ANO10: variants seen among roughly 807,000 people sequenced by gnomAD.
The protein encoded by ANO10 is anoctamin-10.
In ANO10, 77 loss-of-function variants were observed where a neutral mutation model predicts 74.7. That is an observed-to-expected ratio of 1.03 (90% confidence interval 0.86 to 1.25). ANO10 has a LOEUF of 1.25. ANO10 is among the 50% of genes most tolerant of loss of function. The pLI is 0.00. For missense variants in ANO10, 721 were observed against 778.1 expected (o/e 0.93, Z 0.87); for synonymous variants, 279 against 284.9 (o/e 0.98, Z 0.21).
At chr3:43,639,332 T>C (rs975994438) in intron 1 of ANO10, among the ~76,000 whole-genome samples, 1 of 152,230 alleles carries the variant, frequency 6.6e-6, no homozygotes, top group Admixed American at 6.5e-5. Context: ...CTCAGCCAGT[T>C]TGCCCTCACT....
At chr3:43,376,664 A>C (rs2091817650) in intron 12 of ANO10, among the ~76,000 whole-genome samples, 2 of 152,214 alleles carry the variant, frequency 1.3e-5, no homozygotes, top group South Asian at 4.1e-4. Flanking sequence ...AATTCTGAGA[A>C]AGGGGGAAAT....
chr3:43,595,485 G>A (rs1430953033), intron 4 of ANO10, among the ~76,000 whole-genome samples: 17 of 151,962 alleles, frequency 1.1e-4, no homozygotes, highest in African/African-American at 2.4e-4. Context: ...ATAATCCATC[G>A]TATAAACAGA....
intron 11 of ANO10, among the ~76,000 whole-genome samples, chr3:43,477,497 G>T (rs911386985): frequency 6.6e-6 from 1 of 152,128 alleles, no homozygotes; most frequent in Non-Finnish European, 1.5e-5. Context: ...AACAGCTGAC[G>T]TGTTATATTT....
chr3:43,447,157 G>A (rs1172381905), intron 11 of ANO10, among the ~76,000 whole-genome samples: 1 of 152,104 alleles, frequency 6.6e-6, no homozygotes, highest in East Asian at 1.9e-4. Flanking sequence ...TAAGGGTGCT[G>A]CAATAAATTT....
intron 11 of ANO10, among the ~76,000 whole-genome samples, chr3:43,452,036 A>G (rs2074901303): frequency 6.6e-6 from 1 of 152,226 alleles, no homozygotes; most frequent in South Asian, 2.1e-4. Context: ...AAGGCTAAAG[A>G]TTAGTTACTA....
Position 43,475,336 on chromosome 3 carries a change from C to T in ANO10, c.1798-42609G>A, listed in dbSNP as rs1175452849. Among the ~76,000 whole-genome samples, 2 of 152,088 alleles carry T rather than the reference C, an allele frequency of 1.3e-5. 1 individual carries two copies. The highest frequency in any genetic ancestry group is 4.8e-5 in the African/African-American group (2 of 41,414). ...TACAGTTTCTCTCTTTGGTGTCATT[C>T]TTATAGTCAAGGTCTCCCCACCCAA... On this transcript the variant is annotated intron_variant, in intron 11 of 12. Transcript: ENST00000292246.
At chr3:43,532,322 G>A (rs1044249674) in intron 11 of ANO10, among the ~76,000 whole-genome samples, 4 of 152,090 alleles carry the variant, frequency 2.6e-5, no homozygotes, top group South Asian at 2.1e-4. Context: ...AGCCATCATC[G>A]CTGCCTTGCC....
intron 9 of ANO10, among the ~76,000 whole-genome samples, chr3:43,558,893 C>T (rs1277040516): frequency 6.6e-6 from 1 of 152,184 alleles, no homozygotes; most frequent in Non-Finnish European, 1.5e-5. Context: ...GGCCAGATCA[C>T]GCAGAACCCT....
At chr3:43,505,139 T>C (rs931939877) in intron 11 of ANO10, among the ~76,000 whole-genome samples, 6 of 152,210 alleles carry the variant, frequency 3.9e-5, no homozygotes, top group African/African-American at 1.2e-4. Flanking sequence ...TGAGATAGTG[T>C]TAGCATAAAT....
chr3:43,625,919 A>G (rs957434142), upstream of ANO10, among the ~76,000 whole-genome samples: 3 of 146,618 alleles, frequency 2.0e-5, no homozygotes, highest in Non-Finnish European at 4.5e-5. Flanking sequence ...AAAGACCTCC[A>G]CCTCTCTCTC....
chr3:43,554,906 A>C (rs1377849533), intron 10 of ANO10, among the ~76,000 whole-genome samples: 2 of 152,162 alleles, frequency 1.3e-5, no homozygotes, highest in Non-Finnish European at 2.9e-5. Context: ...GAGTCTCATT[A>C]CTGCCAGATA....
chr3:43,560,732 A>C (rs188246888), intron 9 of ANO10, among the ~76,000 whole-genome samples: 2 of 152,222 alleles, frequency 1.3e-5, no homozygotes, highest in African/African-American at 4.8e-5. Flanking sequence ...TAATTCAGAA[A>C]GTCTCTGTCT....
intron 12 of ANO10, among the ~76,000 whole-genome samples, chr3:43,421,160 T>C (rs1052301645): frequency 2.0e-5 from 3 of 151,848 alleles, no homozygotes; most frequent in Non-Finnish European, 4.4e-5. Flanking sequence ...GAGGTGGAAG[T>C]TGCAGGGAAC....
At chr3:43,620,331 A>G (rs953535917) in intron 1 of ANO10, among the ~76,000 whole-genome samples, 1 of 152,248 alleles carries the variant, frequency 6.6e-6, no homozygotes, top group African/African-American at 2.4e-5. Flanking sequence ...TATTACCCCA[A>G]TTAGGTAACA....
At chr3:43,649,963 TGTGTGCTAC>T (rs2083769907) in intron 1 of ANO10, among the ~76,000 whole-genome samples, 1 of 152,114 alleles carries the variant, frequency 6.6e-6, no homozygotes, top group Non-Finnish European at 1.5e-5. Flanking sequence ...CCCAAGAGGG[TGTGTGCTAC>T]AGTGCACTCT....
chr3:43,421,652 C>T (rs1001874165), intron 12 of ANO10, among the ~76,000 whole-genome samples: 1 of 152,156 alleles, frequency 6.6e-6, no homozygotes, highest in Admixed American at 6.5e-5. Context: ...TGGCAAGACC[C>T]TGTCTCTACT....
chr3:43,380,989 T>A (rs750398198), intron 12 of ANO10, among the ~76,000 whole-genome samples: 2 of 152,106 alleles, frequency 1.3e-5, no homozygotes, highest in Admixed American at 6.5e-5. Flanking sequence ...AGCAAATACG[T>A]CCTTCTTCAC....
intron 1 of ANO10, among the ~76,000 whole-genome samples, chr3:43,662,855 C>T (rs1029911186): frequency 1.3e-5 from 2 of 152,174 alleles, no homozygotes; most frequent in Non-Finnish European, 2.9e-5. Context: ...GAAGTTGAAG[C>T]TCTGAACAGA....
At chr3:43,661,384 T>C (rs889553292) in intron 1 of ANO10, among the ~76,000 whole-genome samples, 2 of 151,846 alleles carry the variant, frequency 1.3e-5, no homozygotes, top group African/African-American at 4.9e-5. Flanking sequence ...CAGGCCTGCC[T>C]TACAAGAGCT....
Sources: gnomAD v4.1 joint callset for allele counts (sites outside exome capture counted in the v4.1 genomes callset) on GRCh38, gnomAD v4.1.1 for gene constraint, MANE v1.5 for transcripts, NCBI Gene and HGNC (gene_info 2026-07-23, HGNC 2026-07-21) for gene names.